RAMP1: variants seen among roughly 807,000 people sequenced by gnomAD.
RAMP1 encodes receptor activity-modifying protein 1.
Under a neutral mutation model 8.2 loss-of-function variants are expected in RAMP1, and 7 were observed. The observed-to-expected ratio is 0.85, with a 90% CI of 0.49 to 1.60. The LOEUF (loss-of-function observed/expected upper bound fraction) is 1.60. Among genes scored for constraint, RAMP1 ranks in the 40% most tolerant of loss-of-function variants. The probability of loss-of-function intolerance (pLI) is 0.00; values close to 1 mark genes in which losing one functional copy is unlikely to be tolerated. For synonymous variants in RAMP1, 92 were observed against 84.7 expected, an observed-to-expected ratio of 1.09 and a Z score of -0.47; for missense variants, 192 against 202.4, an observed-to-expected ratio of 0.95 and a Z score of 0.31.
At chr2:237,903,340 C>T (rs562416420) in intron 2 of RAMP1, among the ~76,000 whole-genome samples, 2 of 152,312 alleles carry the variant, frequency 1.3e-5, no homozygotes, top group South Asian at 4.1e-4. Context: ...CTATATTTCA[C>T]ATTATTAATT....
chr2:237,903,757 C>T (rs561666842), intron 2 of RAMP1, among the ~76,000 whole-genome samples: 3 of 152,258 alleles, frequency 2.0e-5, no homozygotes, highest in African/African-American at 4.8e-5. Context: ...TGCAGTGGTG[C>T]GATCTCCGCT....
intron 2 of RAMP1, among the ~76,000 whole-genome samples, chr2:237,886,113 G>A (rs575959721): frequency 3.3e-5 from 5 of 152,310 alleles, no homozygotes; most frequent in East Asian, 1.9e-4. Context: ...GGCATCAGCC[G>A]GGGTGCCGGG....
chr2:237,866,348 T>C (rs2151003031), intron 1 of RAMP1, among the ~76,000 whole-genome samples: 1 of 152,310 alleles, frequency 6.6e-6, no homozygotes, highest in South Asian at 2.1e-4. Flanking sequence ...ACCCTGTGCC[T>C]GTTTTTTATT....
chr2:237,880,561 A>G (rs933395898), intron 2 of RAMP1, among the ~76,000 whole-genome samples: 1 of 152,220 alleles, frequency 6.6e-6, no homozygotes, highest in Non-Finnish European at 1.5e-5. Context: ...TACAGGTGCT[A>G]GAAGAAAACA....
chr2:237,884,382 T>C (rs1461409828), intron 2 of RAMP1, among the ~76,000 whole-genome samples: 1 of 152,142 alleles, frequency 6.6e-6, no homozygotes, highest in Non-Finnish European at 1.5e-5. Flanking sequence ...AAATGTGTCA[T>C]CGGGAACTCT....
At chr2:237,894,638 G>A (rs973856932) in intron 2 of RAMP1, among the ~76,000 whole-genome samples, 10 of 152,178 alleles carry the variant, frequency 6.6e-5, no homozygotes, top group Non-Finnish European at 1.3e-4. Flanking sequence ...GAAGCCAGGC[G>A]GGGCTGAGGC....
chr2:237,870,315 C>A (rs2062232444), intron 1 of RAMP1, among the ~76,000 whole-genome samples: 1 of 152,250 alleles, frequency 6.6e-6, no homozygotes, highest in African/African-American at 2.4e-5. Flanking sequence ...CAACTCTGAT[C>A]TGCAGGATGG....
At chr2:237,871,776 C>A (rs78450425) in intron 1 of RAMP1, among the ~76,000 whole-genome samples, 268 of 152,316 alleles carry the variant, frequency 1.8e-3, no homozygotes, top group African/African-American at 5.4e-3. Context: ...AAATAGGCTT[C>A]TTTAAGCCCA....
At chr2:237,911,102 TCA>T (rs534964361) in intron 2 of RAMP1, among the ~76,000 whole-genome samples, 207 of 152,168 alleles carry the variant, frequency 1.4e-3, no homozygotes, top group African/African-American at 4.9e-3. Flanking sequence ...TCACACACAG[TCA>T]CACACAAAGA....
chr2:237,889,238 G>C (rs192515554), intron 2 of RAMP1, among the ~76,000 whole-genome samples: 2 of 152,216 alleles, frequency 1.3e-5, no homozygotes, highest in East Asian at 1.9e-4. Context: ...TGTGACCTCC[G>C]CACAGCTGTA....
At chr2:237,891,312 G>A (rs909577606) in intron 2 of RAMP1, among the ~76,000 whole-genome samples, 2 of 151,966 alleles carry the variant, frequency 1.3e-5, no homozygotes, top group African/African-American at 2.4e-5. Flanking sequence ...CACCACGCCC[G>A]GCTGATTTTT....
chr2:237,895,244 G>A (rs1248736682), intron 2 of RAMP1, among the ~76,000 whole-genome samples: 3 of 152,186 alleles, frequency 2.0e-5, no homozygotes, highest in African/African-American at 4.8e-5. Flanking sequence ...GGCAGCGCGA[G>A]TCACATGCCC....
chr2:237,868,383 T>C (rs1420030055), intron 1 of RAMP1, among the ~76,000 whole-genome samples: 1 of 152,128 alleles, frequency 6.6e-6, no homozygotes, highest in Non-Finnish European at 1.5e-5. Context: ...TTGTTTTACA[T>C]TTTCCTCTGA....
At chr2:237,896,283 G>A (rs2062541690) in intron 2 of RAMP1, among the ~76,000 whole-genome samples, 1 of 152,228 alleles carries the variant, frequency 6.6e-6, no homozygotes, top group African/African-American at 2.4e-5. Flanking sequence ...TGCTCTGTGG[G>A]GAGCCTGACT....
intron 2 of RAMP1, among the ~76,000 whole-genome samples, chr2:237,903,870 A>G (rs2062629924): frequency 6.6e-6 from 1 of 151,736 alleles, no homozygotes; most frequent in Non-Finnish European, 1.5e-5. Context: ...AATTTTTTGT[A>G]TTTTTGGTAG....
intron 2 of RAMP1, among the ~76,000 whole-genome samples, chr2:237,903,279 G>A (rs1655148946): frequency 1.3e-5 from 2 of 152,166 alleles, no homozygotes; most frequent in Admixed American, 6.5e-5. Context: ...GTTGTTTGCT[G>A]TTTTTCATAA....
intron 1 of RAMP1, among the ~76,000 whole-genome samples, chr2:237,868,794 C>A (rs1281930837): frequency 6.6e-6 from 1 of 152,080 alleles, no homozygotes. Context: ...GTTTCTGTTT[C>A]CTCTTTAGCA....
intron 2 of RAMP1, among the ~76,000 whole-genome samples, chr2:237,911,240 T>A (rs74002614): frequency 6.6e-6 from 1 of 150,826 alleles, no homozygotes. Flanking sequence ...GGGCCTTATT[T>A]GGCCACCCAG....
At chr2:237,891,172 C>T (rs1483828583) in intron 2 of RAMP1, among the ~76,000 whole-genome samples, 4 of 123,742 alleles carry the variant, frequency 3.2e-5, no homozygotes, top group Admixed American at 8.0e-5. Context: ...TTTTTTGAGA[C>T]GGAGTCTCAC....
Sources: allele counts gnomAD v4.1 joint callset (sites outside exome capture counted in the v4.1 genomes callset), GRCh38; gene constraint gnomAD v4.1.1; transcripts MANE v1.5; gene names NCBI Gene and HGNC (gene_info 2026-07-23, HGNC 2026-07-21).